Variants in SMC1A observed in about 807,000 individuals in gnomAD.
SMC1A encodes structural maintenance of chromosomes 1A, also known as structural maintenance of chromosomes protein 1A.
SMC1A carries 4 observed loss-of-function variants against 94.5 expected under a neutral mutation model. The observed-to-expected ratio is 0.04, with a 90% CI of 0.02 to 0.10. The LOEUF (loss-of-function observed/expected upper bound fraction) is 0.10. Ranked by LOEUF, SMC1A falls within the 10% of genes least tolerant of loss-of-function variation. The pLI is 1.00. For synonymous variants in SMC1A, 345 were observed against 347.7 expected, an observed-to-expected ratio of 0.99 and a Z score of 0.09; for missense variants, 304 against 989.0, an observed-to-expected ratio of 0.31 and a Z score of 9.29.
At position 53,399,700 on chromosome X, in the gene SMC1A, C is replaced by T; in HGVS notation, c.2451G>A (p.Leu817=). ...TCTTTTCAAAATCCAACTGAATGCC[C>T]AAGCGAGTCTTCTGATTCTCAAACT... is the stretch of plus-strand genomic sequence containing the variant. The part of the protein sequence containing the change: ...RLEFENQKTR[L]GIQLDFEKNQ... Residue 817 remains leucine, a synonymous_variant, in exon 16 of 25, where the codon TTG becomes TTA. Coordinates refer to ENST00000322213, the MANE Select transcript of SMC1A (RefSeq NM_006306.4). The T allele has an allele frequency of 1.7e-6, 2 of 1,209,724 alleles. No homozygotes were observed.
In SMC1A at chrX:53,419,697, G is replaced by A. The variant is rs149166749; in HGVS notation, c.109+2795C>T. ...AAACTGGCCGGGCATAGTGGTGCACGCCTGTAATCCCAGCTCCTCAGGAGG... is the reference window on the plus strand; with the variant it reads ...AAACTGGCCGGGCATAGTGGTGCACACCTGTAATCCCAGCTCCTCAGGAGG... On this transcript the variant is annotated intron_variant, in intron 1 of 24. Transcript: ENST00000322213. 7.8e-3 allele frequency among the ~76,000 whole-genome samples: 850 copies of A among 109,141 alleles called. 11 individuals carry two copies. The highest frequency in any genetic ancestry group is 0.027 in the African/African-American group (807 of 29,979). The allele number at this position is 109,141 out of a possible 115,157, so 94.8% of individuals were successfully genotyped here. A position where few individuals can be genotyped will look rare whatever the true frequency, so the allele number is the denominator to read the frequency against.
chrX:53,419,573 C>T (rs1028948750), intron 1 of SMC1A, among the ~76,000 whole-genome samples: 9 of 108,172 alleles, frequency 8.3e-5, no homozygotes, highest in Non-Finnish European at 1.5e-4. Flanking sequence ...CACCTGTAAT[C>T]GCAGCACTTT....
In SMC1A at chrX:53,408,968, TG is replaced by T. The variant is rs2075701168; in HGVS notation, c.1545+93del. ...GCCTCATTTCCCCCAACAATAAAAA[TG>T]GGATTGGCAACCCTGTCCTTACAGG... On this transcript the variant is annotated intron_variant, in intron 9 of 24. Coordinates refer to ENST00000322213, the MANE Select transcript of SMC1A (RefSeq NM_006306.4). 17 of 837,619 alleles carry T rather than the reference TG, an allele frequency of 2.0e-5. No individual in the cohort carries two copies. In the East Asian group the frequency reaches 2.9e-4, roughly 14 times the overall value. 69.0% of individuals were successfully genotyped at this position (837,619 alleles called of 1,213,427 possible).
chrX:53,407,261 C>A (rs991376038), intron 9 of SMC1A, among the ~76,000 whole-genome samples: 17 of 111,195 alleles, frequency 1.5e-4, no homozygotes, highest in Non-Finnish European at 2.8e-4. Context: ...ACTCTTAGCT[C>A]CACCCCTACA....
At chrX:53,403,458 CAT>C (rs781840915) in intron 15 of SMC1A, 106 bp downstream of exon 15, 1 of 612,934 alleles carries the variant, frequency 1.6e-6, no homozygotes, top group South Asian at 2.4e-5. Flanking sequence ...CATAAACTCA[CAT>C]AGTTCTAAGA....
chrX:53,375,849 C>T lies in SMC1A; in HGVS notation c.*4254G>A, dbSNP rs895223742. On this transcript the variant is annotated 3_prime_UTR_variant, in exon 25 of 25. Coordinates refer to ENST00000322213, the MANE Select transcript of SMC1A (RefSeq NM_006306.4). ...AATCAGTCATTAAGTTATCATCTTA[C>T]CTTAACAGTTCACACCTTAACACCT... 8 of 112,272 alleles carry T rather than the reference C, an allele frequency of 7.1e-5. No homozygotes were observed. Among genetic ancestry groups the T allele is most frequent in the African/African-American group, 2.6e-4 (8 of 30,841 alleles). 9.3% of individuals were successfully genotyped at this position (112,272 alleles called of 1,213,427 possible).
intron 3 of SMC1A, among the ~76,000 whole-genome samples, chrX:53,414,050 C>G (rs781984251): frequency 2.0e-5 from 2 of 98,716 alleles, no homozygotes; most frequent in South Asian, 5.1e-4. Flanking sequence ...GCACTCCAGC[C>G]TAGGTGACAA....
chrX:53,386,557 C>T (rs2075605268), intron 19 of SMC1A, among the ~76,000 whole-genome samples: 1 of 111,264 alleles, frequency 9.0e-6, no homozygotes. Flanking sequence ...GACCACACTT[C>T]CTTCAAAAGG....
chrX:53,403,510 T>C lies in SMC1A; in HGVS notation c.2420+56A>G. 1.0e-5 allele frequency: 10 copies of C among 954,414 alleles called. No individual in the cohort carries two copies. In the South Asian group the frequency reaches 2.1e-4, roughly 20 times the overall value. 78.7% of individuals were successfully genotyped at this position (954,414 alleles called of 1,213,427 possible). On this transcript the variant is annotated intron_variant, in intron 15 of 24. Coordinates refer to ENST00000322213, the MANE Select transcript of SMC1A (RefSeq NM_006306.4). ...ATGACAGCATCTGGTTTTCCAAGGATGTCAAGCTAGAGGCTCAAGGGCATG... is the reference window on the plus strand; with the variant it reads ...ATGACAGCATCTGGTTTTCCAAGGACGTCAAGCTAGAGGCTCAAGGGCATG...
intron 7 of SMC1A, among the ~76,000 whole-genome samples, chrX:53,410,947 T>TAAAAAAAAAAAAAAAAAA (rs2075709976): frequency 4.3e-4 from 1 of 2,350 alleles, no homozygotes; most frequent in African/African-American, 1.1e-3. Context: ...AAAAAAAAAG[T>TAAAAAAAAAAAAAAAAAA]AGCCAGGCAT....
intron 1 of SMC1A, among the ~76,000 whole-genome samples, chrX:53,419,868 G>A (rs1415239207): frequency 1.8e-5 from 2 of 108,999 alleles, no homozygotes; most frequent in Non-Finnish European, 3.8e-5. Flanking sequence ...CTTGAACCCA[G>A]CAGGCAGAAG....
chrX:53,407,052 A>G (rs782592089), intron 9 of SMC1A, among the ~76,000 whole-genome samples: 1 of 112,329 alleles, frequency 8.9e-6, no homozygotes, highest in East Asian at 2.8e-4. Context: ...TTTGAAGATC[A>G]AAGTGGACTG....
chrX:53,416,327 A>T (rs1569359837), intron 1 of SMC1A, among the ~76,000 whole-genome samples: 1 of 106,328 alleles, frequency 9.4e-6, no homozygotes, highest in Non-Finnish European at 1.9e-5. Flanking sequence ...AAATAAAATA[A>T]AATAATAATA....
rs201312024 is a variant in SMC1A at position 53,394,907 on chromosome X, G to A, written c.2863-19C>T. 9 of 997,568 alleles carry A rather than the reference G, an allele frequency of 9.0e-6. No individual in the cohort carries two copies. In the East Asian group the frequency reaches 1.2e-4, roughly 13 times the overall value. 82.2% of individuals were successfully genotyped at this position (997,568 alleles called of 1,213,427 possible). ...AGCTACCCTGCAATGGCAACGGAGA[G>A]TCAAGTGGAGCAGACTGGCCATGAG... On this transcript the variant is annotated intron_variant, in intron 18 of 24. Transcript: ENST00000322213.
At chrX:53,396,147 G>GCCCTTCCTGGTCACTTTCACTC in intron 18 of SMC1A, 80 bp downstream of exon 18, 1 of 1,053,662 alleles carries the variant, frequency 9.5e-7, no homozygotes, top group Non-Finnish European at 1.3e-6. Context: ...CTCTCTCACT[G>GCCCTTCCTGGTCACTTTCACTC]CCCTTCCTGG....
rs1280511320 is a variant in SMC1A at position 53,390,146 on chromosome X, G to A, written c.2973+4632C>T. Among the ~76,000 whole-genome samples the A allele has an allele frequency of 4.0e-5, 4 of 101,137 alleles. No individual in the cohort carries two copies. The Admixed American group carries it at 4.2e-4, about 11-fold the overall frequency. 87.8% of individuals were successfully genotyped at this position (101,137 alleles called of 115,157 possible). A position where few individuals can be genotyped will look rare whatever the true frequency, so the allele number is the denominator to read the frequency against. ...GGCGTGAGCCACCGCACCCGGCCCAGAATTTGCTTTAAAATAACCTAGGGA... is the reference window on the plus strand; with the variant it reads ...GGCGTGAGCCACCGCACCCGGCCCAAAATTTGCTTTAAAATAACCTAGGGA... On this transcript the variant is annotated intron_variant, in intron 19 of 24. Transcript: ENST00000322213.
intron 22 of SMC1A, 50 bp downstream of exon 22, chrX:53,382,182 G>A (rs2075585809): frequency 2.5e-6 from 3 of 1,189,399 alleles, no homozygotes; most frequent in Non-Finnish European, 3.4e-6. Flanking sequence ...AGAGCCTCTG[G>A]TGGCCTCAGT....
intron 19 of SMC1A, among the ~76,000 whole-genome samples, chrX:53,386,996 A>C (rs868941178): frequency 8.0e-5 from 9 of 112,080 alleles, no homozygotes; most frequent in African/African-American, 2.3e-4. Flanking sequence ...ATTGTTACTA[A>C]TAATATATAT....
chrX:53,382,693 G>GCC (rs1556886060), intron 20 of SMC1A, 33 bp from the exon 21 acceptor site: 1 of 1,207,467 alleles, frequency 8.3e-7, no homozygotes, highest in South Asian at 1.8e-5. Flanking sequence ...ACCCCTCAGT[G>GCC]CCCTGGCAAG....
Sources: allele counts gnomAD v4.1 joint callset (sites outside exome capture counted in the v4.1 genomes callset), GRCh38; gene constraint gnomAD v4.1.1; transcripts MANE v1.5; gene names NCBI Gene and HGNC (gene_info 2026-07-23, HGNC 2026-07-21).